Variants in LHFPL3 observed in about 807,000 individuals in gnomAD.
The protein encoded by LHFPL3 is LHFPL tetraspan subfamily member 3.
LHFPL3 carries 5 observed loss-of-function variants against 19.3 expected under a neutral mutation model. The observed-to-expected ratio is 0.26, with a 90% confidence interval of 0.14 to 0.54. The LOEUF is 0.54. Among genes scored for constraint, LHFPL3 ranks in the 20% least tolerant of loss-of-function variants. The pLI, the probability that LHFPL3 is intolerant of heterozygous loss-of-function variation, is 0.94. For synonymous variants in LHFPL3, 133 were observed against 126.2 expected (o/e 1.05, Z -0.36); for missense variants, 249 against 307.4 (o/e 0.81, Z 1.42).
intron 1 of LHFPL3, among the ~76,000 whole-genome samples, chr7:104,694,356 G>T (rs1336996115): frequency 6.6e-6 from 1 of 152,136 alleles, no homozygotes; most frequent in Non-Finnish European, 1.5e-5. Flanking sequence ...AAAAAACAAA[G>T]GTGGAGAAAC....
intron 2 of LHFPL3, among the ~76,000 whole-genome samples, chr7:104,832,669 C>T (rs1265309172): frequency 2.8e-5 from 4 of 145,308 alleles, no homozygotes; most frequent in Non-Finnish European, 4.5e-5. Context: ...AAGGTCAAAC[C>T]AGATGGTTAG....
At chr7:104,776,172 GTCAC>G (rs1458395422) in intron 2 of LHFPL3, among the ~76,000 whole-genome samples, 1 of 152,192 alleles carries the variant, frequency 6.6e-6, no homozygotes, top group East Asian at 1.9e-4. Context: ...TAGGAAGCAA[GTCAC>G]TCTGTGAGCC....
chr7:104,486,725 TCTA>T (rs994809388), intron 1 of LHFPL3, among the ~76,000 whole-genome samples: 4 of 152,218 alleles, frequency 2.6e-5, no homozygotes, highest in African/African-American at 4.8e-5. Context: ...TATTATTAGT[TCTA>T]CTATTTTAAT....
intron 1 of LHFPL3, among the ~76,000 whole-genome samples, chr7:104,675,242 G>A (rs1792569128): frequency 6.6e-6 from 1 of 152,238 alleles, no homozygotes; most frequent in Non-Finnish European, 1.5e-5. Flanking sequence ...AGAAGAAACA[G>A]CAGGTGCAAA....
At chr7:104,700,466 C>A (rs1381344226) in intron 1 of LHFPL3, among the ~76,000 whole-genome samples, 1 of 152,190 alleles carries the variant, frequency 6.6e-6, no homozygotes, top group Non-Finnish European at 1.5e-5. Flanking sequence ...CTCTCTTCTT[C>A]CCTAGTGGGT....
rs375987878 is a variant in LHFPL3, at chr7:104,847,266, TTCTC to T, written c.683-58918_683-58915del. Among the ~76,000 whole-genome samples the T allele has an allele frequency of 1.6e-3, 248 of 152,314 alleles. 2 individuals are homozygous for T. The highest frequency in any genetic ancestry group is 5.7e-3 in the African/African-American group (238 of 41,566). ...GACCCAACAGGTGAACAAGGTTACATTCTCTCCTTTTCAGTGTATTGCTGACCAA... is the reference window on the plus strand; with the variant it reads ...GACCCAACAGGTGAACAAGGTTACATTCCTTTTCAGTGTATTGCTGACCAA... On this transcript the variant is annotated intron_variant, in intron 2 of 2. Coordinates refer to ENST00000424859, the MANE Select transcript of LHFPL3 (RefSeq NM_199000.3).
At chr7:104,702,073 G>C (rs1189168017) in intron 1 of LHFPL3, among the ~76,000 whole-genome samples, 1 of 151,114 alleles carries the variant, frequency 6.6e-6, no homozygotes, top group Non-Finnish European at 1.5e-5. Flanking sequence ...TCCCCTCCCT[G>C]TGTCCATGTA....
intron 1 of LHFPL3, among the ~76,000 whole-genome samples, chr7:104,339,965 A>G (rs1347308781): frequency 6.6e-6 from 1 of 152,192 alleles, no homozygotes; most frequent in African/African-American, 2.4e-5. Context: ...GGTGGTGGTG[A>G]AGATGGACAG....
chr7:104,384,787 CAAAAAAAAAAAAAAA>C (rs771136918), intron 1 of LHFPL3, among the ~76,000 whole-genome samples: 2 of 74,564 alleles, frequency 2.7e-5, no homozygotes, highest in Non-Finnish European at 5.2e-5. Flanking sequence ...AACTCTATTT[CAAAAAAAAAAAAAAA>C]AAAAAAAAAG....
At chr7:104,626,595 G>C (rs1267207649) in intron 1 of LHFPL3, among the ~76,000 whole-genome samples, 1 of 152,128 alleles carries the variant, frequency 6.6e-6, no homozygotes, top group Non-Finnish European at 1.5e-5. Context: ...ACTTAGTTGG[G>C]AACATCCAGA....
intron 1 of LHFPL3, among the ~76,000 whole-genome samples, chr7:104,599,606 T>G (rs1000945344): frequency 6.6e-6 from 1 of 152,154 alleles, no homozygotes; most frequent in Non-Finnish European, 1.5e-5. Flanking sequence ...GGGATACACA[T>G]AGCACCAAGA....
chr7:104,490,472 G>A (rs1275236962), intron 1 of LHFPL3, among the ~76,000 whole-genome samples: 1 of 152,012 alleles, frequency 6.6e-6, no homozygotes, highest in East Asian at 1.9e-4. Context: ...GCAAATGCAT[G>A]AGTTCATTAA....
In LHFPL3 at chr7:104,668,728, C is replaced by G. The variant is rs113764928; in HGVS notation, c.446-67947C>G. On this transcript the variant is annotated intron_variant, in intron 1 of 2. Transcript: ENST00000424859. The stretch of plus-strand genomic sequence containing the variant: ...CGTGATGATAGAGGTCCCCCCCCCC[C>G]CAAAGACCCAAACTGAATCTAAAGC... 1,059 of 1,581,530 alleles carry G rather than the reference C, an allele frequency of 6.7e-4. 3 individuals carry two copies. The highest frequency in any genetic ancestry group is 9.1e-4 in the East Asian group (40 of 44,008).
intron 1 of LHFPL3, among the ~76,000 whole-genome samples, chr7:104,526,378 T>C (rs1794188725): frequency 6.6e-6 from 1 of 152,324 alleles, no homozygotes; most frequent in African/African-American, 2.4e-5. Flanking sequence ...ACAGCAGTGA[T>C]GCTGTGAAAA....
intron 1 of LHFPL3, among the ~76,000 whole-genome samples, chr7:104,589,428 A>G (rs113151033): frequency 0.13 from 20,021 of 152,202 alleles, 1,523 homozygotes; most frequent in Non-Finnish European, 0.17. Context: ...TGATTTGCAT[A>G]TATTGAACCA....
chr7:104,739,540 A>C (rs1352389987), intron 2 of LHFPL3, among the ~76,000 whole-genome samples: 1 of 152,222 alleles, frequency 6.6e-6, no homozygotes, highest in African/African-American at 2.4e-5. Flanking sequence ...GCTTTTACAA[A>C]TTGCATGGAT....
intron 1 of LHFPL3, among the ~76,000 whole-genome samples, chr7:104,347,890 T>TAA (rs34331956): frequency 0.26 from 38,407 of 146,378 alleles, 5,378 homozygotes; most frequent in East Asian, 0.41. Flanking sequence ...GACTCTGTCT[T>TAA]AAAAAAAAAA....
chr7:104,336,557 C>T (rs149784675), intron 1 of LHFPL3, among the ~76,000 whole-genome samples: 195 of 150,642 alleles, frequency 1.3e-3, no homozygotes, highest in African/African-American at 4.5e-3. Flanking sequence ...AATAGTTTTT[C>T]GACCAATGTA....
At chr7:104,541,930 G>A (rs1405844365) in intron 1 of LHFPL3, among the ~76,000 whole-genome samples, 1 of 152,080 alleles carries the variant, frequency 6.6e-6, no homozygotes, top group Non-Finnish European at 1.5e-5. Flanking sequence ...GGAGGACCCT[G>A]GGAAGGGGAT....
Sources: gnomAD v4.1 joint callset for allele counts (sites outside exome capture counted in the v4.1 genomes callset) on GRCh38, gnomAD v4.1.1 for gene constraint, MANE v1.5 for transcripts, NCBI Gene and HGNC (gene_info 2026-07-23, HGNC 2026-07-21) for gene names.